HMG20A: variants seen among roughly 807,000 people sequenced by gnomAD.
HMG20A encodes the protein high mobility group 20A.
A neutral mutation model predicts 43.9 loss-of-function variants in HMG20A; 17 were observed. The ratio of observed to expected loss-of-function variants is 0.39; its 90% CI spans 0.27 to 0.58. HMG20A has a LOEUF of 0.58. Among genes scored for constraint, HMG20A ranks in the 20% least tolerant of loss-of-function variants. The pLI, the probability that HMG20A is intolerant of heterozygous loss-of-function variation, is 0.59. For missense variants in HMG20A, 341 were observed against 438.2 expected, an observed-to-expected ratio of 0.78 and a Z score of 1.98; for synonymous variants, 132 against 147.5, an observed-to-expected ratio of 0.89 and a Z score of 0.76.
intron 2 of HMG20A, among the ~76,000 whole-genome samples, chr15:77,460,850 G>T (rs1247957291): frequency 6.6e-6 from 1 of 152,176 alleles, no homozygotes; most frequent in African/African-American, 2.4e-5. Context: ...GTCAGGTGTG[G>T]TGGCACGTGC....
chr15:77,506,187 G>T, the HMG20A span, among the ~76,000 whole-genome samples: 3 of 151,242 alleles, frequency 2.0e-5, no homozygotes, highest in African/African-American at 2.4e-5. Context: ...CCCATGAAAA[G>T]TTCAACTTTA....
chr15:77,439,093 G>C (rs1336311038), intron 1 of HMG20A, among the ~76,000 whole-genome samples: 1 of 152,126 alleles, frequency 6.6e-6, no homozygotes, highest in African/African-American at 2.4e-5. Context: ...ACGCCCGTCC[G>C]TAGGTTTGGA....
chr15:77,434,774 C>G (rs1199862080), intron 1 of HMG20A, among the ~76,000 whole-genome samples: 1 of 152,110 alleles, frequency 6.6e-6, no homozygotes, highest in East Asian at 1.9e-4. Context: ...GACACTGAAA[C>G]TCATATGTTT....
rs190987588 is a variant in HMG20A at position 77,455,765 on chromosome 15, C to G, written c.-4-2639C>G. On this transcript the variant is annotated intron_variant, in intron 1 of 9. Transcript: ENST00000336216. ...ACCTCTGTACTGGGACATCATCAGG[C>G]ACAGATGCTACATGTGAAGGGCTTT... Among the ~76,000 whole-genome samples the G allele has an allele frequency of 4.8e-3, 724 of 152,260 alleles. 4 individuals carry two copies. The highest frequency in any genetic ancestry group is 0.016 in the African/African-American group (673 of 41,514).
intron 2 of HMG20A, among the ~76,000 whole-genome samples, chr15:77,461,729 G>A (rs1045923085): frequency 7.2e-5 from 11 of 151,902 alleles, no homozygotes; most frequent in African/African-American, 2.7e-4. Context: ...CTGAAGTCAG[G>A]GATTCATAGG....
chr15:77,475,919 GT>G (rs1275118762), intron 6 of HMG20A, among the ~76,000 whole-genome samples: 3 of 152,168 alleles, frequency 2.0e-5, no homozygotes, highest in African/African-American at 7.2e-5. Context: ...TGATAATTTT[GT>G]TGTTCATTTT....
At chr15:77,477,072 T>C (rs1300816402) in intron 6 of HMG20A, among the ~76,000 whole-genome samples, 2 of 152,244 alleles carry the variant, frequency 1.3e-5, no homozygotes, top group Non-Finnish European at 2.9e-5. Context: ...ATATCATAAT[T>C]ATTGCTCATA....
Position 77,467,209 on chromosome 15 carries a change from C to T in HMG20A, c.352C>T (p.Arg118Ter). The stretch of plus-strand genomic sequence containing the variant: ...ATATGTTCGGTTCATGAATGAGCGT[C>T]GAGAACAACTTCGAGCAAAGAGACC... ...TGYVRFMNER[R>*]EQLRAKRPEV... is the part of the protein sequence containing the mutation. The change falls in exon 4 of 10, where the codon CGA becomes TGA. Residue 118 changes from arginine (R) to a stop codon, truncating the protein, a stop_gained. Transcript: ENST00000336216. LOFTEE classifies it high-confidence loss of function. 4.3e-6 allele frequency: 7 copies of T among 1,614,064 alleles called. No homozygotes were observed. Among genetic ancestry groups the T allele is most frequent in the Non-Finnish European group, 5.9e-6 (7 of 1,179,982 alleles).
chr15:77,497,678 AGAGAGTGTGTGT>A, the HMG20A span, among the ~76,000 whole-genome samples: 2 of 129,388 alleles, frequency 1.5e-5, no homozygotes, highest in African/African-American at 5.6e-5. Flanking sequence ...AGAGAGAGAG[AGAGAGTGTGTGT>A]GTGTGTGTGT....
At chr15:77,467,045 G>A (rs1250143950) in intron 3 of HMG20A, 50 bp from the exon 4 acceptor site, 2 of 1,454,658 alleles carry the variant, frequency 1.4e-6, no homozygotes, top group East Asian at 4.6e-5. Context: ...GTTATTTTGG[G>A]AGATGGTTGT....
intron 2 of HMG20A, among the ~76,000 whole-genome samples, chr15:77,462,772 C>CTTTTTTTTTTTTTTTTTTT (rs71145836): frequency 2.0e-4 from 26 of 127,786 alleles, no homozygotes; most frequent in Non-Finnish European, 3.0e-4. Flanking sequence ...TTTTCTTTTT[C>CTTTTTTTTTTTTTTTTTTT]TTTTTTTTTT....
At chr15:77,432,756 A>G (rs2073500743) in intron 1 of HMG20A, among the ~76,000 whole-genome samples, 1 of 151,276 alleles carries the variant, frequency 6.6e-6, no homozygotes, top group Admixed American at 6.6e-5. Context: ...ACAAATTGGC[A>G]TTAGGAAATA....
intron 1 of HMG20A, among the ~76,000 whole-genome samples, chr15:77,444,649 G>C (rs1331386749): frequency 6.6e-6 from 1 of 152,204 alleles, no homozygotes; most frequent in Non-Finnish European, 1.5e-5. Flanking sequence ...TTATCATGTT[G>C]AGTAGGTTAT....
At chr15:77,464,574 T>A in intron 3 of HMG20A, 187 bp downstream of exon 3, 1 of 477,974 alleles carries the variant, frequency 2.1e-6, no homozygotes, top group Non-Finnish European at 3.8e-6. Context: ...CATAGACAGG[T>A]AGACTCTTTT....
chr15:77,499,520 A>C, the HMG20A span, among the ~76,000 whole-genome samples: 1 of 152,002 alleles, frequency 6.6e-6, no homozygotes, highest in Admixed American at 6.6e-5. Context: ...TCTCATTCAC[A>C]GAATGCTCCC....
chr15:77,470,496 A>C (rs1035660805), intron 4 of HMG20A, among the ~76,000 whole-genome samples: 1 of 152,200 alleles, frequency 6.6e-6, no homozygotes, highest in Admixed American at 6.5e-5. Context: ...ACAGCAAAAC[A>C]AAGTAATATT....
intron 2 of HMG20A, among the ~76,000 whole-genome samples, chr15:77,462,971 C>T (rs1262248125): frequency 6.6e-6 from 1 of 151,910 alleles, no homozygotes; most frequent in East Asian, 1.9e-4. Context: ...GGGGTTTCAC[C>T]ATGTTGGCCA....
intron 9 of HMG20A, among the ~76,000 whole-genome samples, chr15:77,481,179 G>A (rs1452728238): frequency 6.6e-6 from 1 of 152,108 alleles, no homozygotes; most frequent in African/African-American, 2.4e-5. Flanking sequence ...ACTGTACAAG[G>A]CAATGCATTA....
intron 6 of HMG20A, among the ~76,000 whole-genome samples, chr15:77,473,497 C>A (rs1444260701): frequency 1.3e-5 from 2 of 152,156 alleles, no homozygotes; most frequent in Non-Finnish European, 2.9e-5. Context: ...TTAGATCTCA[C>A]ATTTTCTAGT....
Sources: allele counts gnomAD v4.1 joint callset (sites outside exome capture counted in the v4.1 genomes callset), GRCh38; gene constraint gnomAD v4.1.1; transcripts MANE v1.5; gene names NCBI Gene and HGNC (gene_info 2026-07-23, HGNC 2026-07-21).